Variants in SH2D1A observed in about 807,000 individuals in gnomAD.
SH2D1A encodes the protein SH2 domain containing 1A, also known as SH2 domain-containing protein 1A.
Under a neutral mutation model 10.1 loss-of-function variants are expected in SH2D1A, and 6 were observed. The ratio of observed to expected loss-of-function variants is 0.60; its 90% CI spans 0.33 to 1.18. The LOEUF is 1.18. Ranked by LOEUF, SH2D1A falls within the 50% of genes most tolerant of loss-of-function variation. The pLI, the probability that SH2D1A is intolerant of heterozygous loss-of-function variation, is 0.04. For synonymous variants in SH2D1A, 42 were observed against 36.9 expected, an observed-to-expected ratio of 1.14 and a Z score of -0.51; for missense variants, 51 against 97.6, an observed-to-expected ratio of 0.52 and a Z score of 2.01.
At chrX:124,351,803 T>C (rs2060015800) in intron 1 of SH2D1A, among the ~76,000 whole-genome samples, 1 of 111,027 alleles carries the variant, frequency 9.0e-6, no homozygotes. Flanking sequence ...TGTGTATATA[T>C]ATATATGTGC....
rs181432095 is a variant in SH2D1A at position 124,372,840 on chromosome X, A to G, written c.*1449A>G. The G allele has an allele frequency of 1.2e-5, 2 of 160,819 alleles. No individual in the cohort carries two copies. Among genetic ancestry groups the G allele is most frequent in the African/African-American group, 3.0e-5 (1 of 33,138 alleles). 13.3% of individuals were successfully genotyped at this position (160,819 alleles called of 1,213,427 possible). A position where few individuals can be genotyped will look rare whatever the true frequency, so the allele number is the denominator to read the frequency against. Reference sequence around the variant, plus strand: ...GGATGCCGTGGGAGTACAAAAGTGGAGTGTGGCCTGAGTAATGCATTATGG... The same window carrying G: ...GGATGCCGTGGGAGTACAAAAGTGGGGTGTGGCCTGAGTAATGCATTATGG... On this transcript the variant is annotated 3_prime_UTR_variant, in exon 4 of 4. Transcript: ENST00000371139.
intron 1 of SH2D1A, among the ~76,000 whole-genome samples, chrX:124,352,928 C>T (rs2060018570): frequency 9.0e-6 from 1 of 111,160 alleles, no homozygotes; most frequent in South Asian, 3.8e-4. Context: ...AGTGTTCAGT[C>T]GCACAGTACG....
intron 1 of SH2D1A, among the ~76,000 whole-genome samples, chrX:124,351,200 A>C (rs1435876781): frequency 9.6e-6 from 1 of 104,308 alleles, no homozygotes; most frequent in Admixed American, 1.1e-4. Flanking sequence ...TGAAAAAAAT[A>C]CACTCATATG....
At chrX:124,349,358 C>T (rs201306480) in intron 1 of SH2D1A, among the ~76,000 whole-genome samples, 1 of 111,665 alleles carries the variant, frequency 9.0e-6, no homozygotes, top group African/African-American at 3.3e-5. Context: ...ATTTCATTCC[C>T]TCTTTTTGGT....
At chrX:124,369,943 T>C (rs1005652582) in intron 2 of SH2D1A, among the ~76,000 whole-genome samples, 5 of 111,620 alleles carry the variant, frequency 4.5e-5, no homozygotes, top group African/African-American at 1.6e-4. Flanking sequence ...TTGTACAAAC[T>C]AATACCACCT....
At chrX:124,346,801 T>A in intron 1 of SH2D1A, 22 bp downstream of exon 1, 1 of 1,209,809 alleles carries the variant, frequency 8.3e-7, no homozygotes, top group Non-Finnish European at 1.1e-6. Context: ...ACGGTGGACA[T>A]GGGCCTGCTG....
intron 1 of SH2D1A, among the ~76,000 whole-genome samples, chrX:124,348,849 G>A (rs1333090964): frequency 2.7e-5 from 3 of 111,822 alleles, no homozygotes; most frequent in South Asian, 3.7e-4. Context: ...TGCAATAAAC[G>A]GAATGGCCAT....
At chrX:124,359,229 A>G (rs1468566623) in intron 1 of SH2D1A, among the ~76,000 whole-genome samples, 1 of 111,800 alleles carries the variant, frequency 8.9e-6, no homozygotes, top group Admixed American at 9.5e-5. Context: ...TGAAAGTGAG[A>G]TAAGATCAGA....
chrX:124,358,055 G>A (rs765804351), intron 1 of SH2D1A, among the ~76,000 whole-genome samples: 6 of 110,641 alleles, frequency 5.4e-5, no homozygotes, highest in Non-Finnish European at 1.1e-4. Context: ...TGTATGGTTT[G>A]CAAATATATT....
rs1426147608 is a variant in SH2D1A, at chrX:124,365,081, C to T, written c.138-680C>T. Among the ~76,000 whole-genome samples the T allele has an allele frequency of 3.6e-5, 4 of 110,794 alleles. No homozygotes were observed. The Admixed American group carries it at 3.9e-4, about 11-fold the overall frequency. Reference sequence around the variant, plus strand: ...TTGTAGCCTGGAGTAATAGGCTATACCACATAGCCTAGGTGGTATACCATA... The same window carrying T: ...TTGTAGCCTGGAGTAATAGGCTATATCACATAGCCTAGGTGGTATACCATA... On this transcript the variant is annotated intron_variant, in intron 1 of 3. Coordinates refer to ENST00000371139, the MANE Select transcript of SH2D1A (RefSeq NM_002351.5).
At chrX:124,351,759 C>T (rs767646098) in intron 1 of SH2D1A, among the ~76,000 whole-genome samples, 6 of 110,420 alleles carry the variant, frequency 5.4e-5, no homozygotes, top group Non-Finnish European at 9.5e-5. Context: ...TCTCATTTAA[C>T]CAGTTGAATC....
chrX:124,347,312 A>G (rs1018978013), intron 1 of SH2D1A, among the ~76,000 whole-genome samples: 9 of 103,702 alleles, frequency 8.7e-5, no homozygotes, highest in African/African-American at 3.2e-4. Context: ...CAGTAAAATC[A>G]CCTCTCTGGA....
chrX:124,356,711 A>G (rs1366570458), intron 1 of SH2D1A, among the ~76,000 whole-genome samples: 1 of 112,216 alleles, frequency 8.9e-6, no homozygotes, highest in East Asian at 2.8e-4. Context: ...CACCCACTTC[A>G]GCCTCCCAGA....
Position 124,372,756 on chromosome X carries a change from C to A in SH2D1A, c.*1365C>A. The A allele has an allele frequency of 6.0e-6, 1 of 167,315 alleles. No homozygotes were observed. Among genetic ancestry groups the A allele is most frequent in the Non-Finnish European group, 1.2e-5 (1 of 86,512 alleles). The allele number at this position is 167,315 out of a possible 1,213,427, so 13.8% of individuals were successfully genotyped here. On this transcript the variant is annotated 3_prime_UTR_variant, in exon 4 of 4. Transcript: ENST00000371139. ...GAACTTGGTTTTAATTAGTGAACTG[C>A]TGAGAGACAGAGCTATTCTCCATGT...
intron 1 of SH2D1A, among the ~76,000 whole-genome samples, chrX:124,364,566 G>A (rs931561171): frequency 6.4e-5 from 7 of 109,000 alleles, no homozygotes; most frequent in Middle Eastern, 4.7e-3. Flanking sequence ...GTGCAGTGGC[G>A]TGATCTCGTC....
chrX:124,356,406 C>T (rs1457085519), intron 1 of SH2D1A, among the ~76,000 whole-genome samples: 2 of 111,791 alleles, frequency 1.8e-5, no homozygotes, highest in African/African-American at 6.5e-5. Context: ...ACCTAAGACT[C>T]TAACATTTTT....
chrX:124,352,375 A>G (rs757465165), intron 1 of SH2D1A, among the ~76,000 whole-genome samples: 1 of 111,508 alleles, frequency 9.0e-6, no homozygotes, highest in African/African-American at 3.2e-5. Context: ...TGATAGCACT[A>G]TAGTATGATA....
intron 2 of SH2D1A, among the ~76,000 whole-genome samples, chrX:124,368,867 G>A (rs73212989): frequency 1.8e-5 from 2 of 111,752 alleles, no homozygotes; most frequent in African/African-American, 6.5e-5. Flanking sequence ...TGGAACCAAC[G>A]AACTGTTTGG....
At chrX:124,356,487 G>A (rs894032025) in intron 1 of SH2D1A, among the ~76,000 whole-genome samples, 9 of 111,877 alleles carry the variant, frequency 8.0e-5, no homozygotes, top group Non-Finnish European at 1.5e-4. Flanking sequence ...TCTCTCTGTC[G>A]CCCAGCCTGG....
Sources: gnomAD v4.1 joint callset for allele counts (sites outside exome capture counted in the v4.1 genomes callset) on GRCh38, gnomAD v4.1.1 for gene constraint, MANE v1.5 for transcripts, NCBI Gene and HGNC (gene_info 2026-07-23, HGNC 2026-07-21) for gene names.